GGT7: variants seen among roughly 807,000 people sequenced by gnomAD.
GGT7 encodes the protein gamma-glutamyltransferase 7, also known as glutathione hydrolase 7.
Under a neutral mutation model 69.2 loss-of-function variants are expected in GGT7, and 30 were observed. The observed-to-expected ratio is 0.43, with a 90% CI of 0.32 to 0.59. GGT7 has a LOEUF of 0.59. GGT7 is among the 20% of genes least tolerant of loss of function. The pLI is 0.05. For synonymous variants in GGT7, 388 were observed against 391.8 expected (o/e 0.99, Z 0.12); for missense variants, 733 against 901.1 (o/e 0.81, Z 2.39).
chr20:34,870,287 T>C (rs2079758257), intron 1 of GGT7, among the ~76,000 whole-genome samples: 2 of 152,190 alleles, frequency 1.3e-5, no homozygotes, highest in African/African-American at 4.8e-5. Flanking sequence ...CTCTGCTGGA[T>C]TTCCATACAG....
chr20:34,860,235 C>G lies in GGT7; in HGVS notation c.743+19G>C. 6.3e-7 allele frequency: 1 copy of G among 1,596,220 alleles called. No homozygotes were observed. Among genetic ancestry groups the G allele is most frequent in the Non-Finnish European group, 8.6e-7 (1 of 1,163,896 alleles). ...AGATGCAAACGGGGGTCCCTGGTCC[C>G]CAGGGGGAGGGTTGTTACCTGCCAT... On this transcript the variant is annotated intron_variant, in intron 5 of 14. Coordinates refer to ENST00000336431, the MANE Select transcript of GGT7 (RefSeq NM_178026.3).
chr20:34,850,858 G>T, intron 13 of GGT7: 1 of 561,054 alleles, frequency 1.8e-6, no homozygotes, highest in Non-Finnish European at 3.5e-6. Flanking sequence ...GTGTTCTGGA[G>T]AAAAGCAGGC....
chr20:34,856,570 G>C (rs2079494907), intron 8 of GGT7, among the ~76,000 whole-genome samples: 1 of 152,120 alleles, frequency 6.6e-6, no homozygotes, highest in Non-Finnish European at 1.5e-5. Context: ...TTCCAGGTTG[G>C]ACCCTTTGAC....
intron 13 of GGT7, 43 bp from the exon 14 acceptor site, chr20:34,850,103 G>T (rs377626254): frequency 7.5e-7 from 1 of 1,325,182 alleles, no homozygotes; most frequent in Non-Finnish European, 1.1e-6. Context: ...TGTCCCAGGG[G>T]TGATGGTCCA....
chr20:34,847,287 G>C (rs1275690009), intron 14 of GGT7, among the ~76,000 whole-genome samples: 1 of 152,088 alleles, frequency 6.6e-6, no homozygotes, highest in East Asian at 1.9e-4. Context: ...CCATATCCCA[G>C]CTGCTTCTCA....
chr20:34,860,104 G>A lies in GGT7; in HGVS notation c.744-62C>T. ...TGGGGGAATGAGGAGGGGTCCGGGG[G>A]GAGGGGGGTTCCTGGGAAGGAGAGT... On this transcript the variant is annotated intron_variant, in intron 5 of 14. Transcript: ENST00000336431. 5.6e-6 allele frequency: 5 copies of A among 887,482 alleles called. 1 individual carries two copies. Among genetic ancestry groups the A allele is most frequent in the Non-Finnish European group, 7.5e-6 (4 of 534,232 alleles). 55.0% of individuals were successfully genotyped at this position (887,482 alleles called of 1,614,324 possible). A position where few individuals can be genotyped will look rare whatever the true frequency, so the allele number is the denominator to read the frequency against.
chr20:34,852,304 G>A (rs773376870), intron 11 of GGT7, 32 bp from the exon 12 acceptor site: 27 of 1,602,268 alleles, frequency 1.7e-5, no homozygotes, highest in Middle Eastern at 1.6e-4. Context: ...GGTGAGCCCT[G>A]GCCCATCCTC....
Position 34,863,020 on chromosome 20 carries a change from G to A in GGT7, c.406-55C>T. ...CAGGAGGAGCTGTCCACCTCCCTAG[G>A]GCACCTCCACTAGCCCTAGAACTCT... is the stretch of plus-strand genomic sequence containing the variant. On this transcript the variant is annotated intron_variant, in intron 2 of 14. Transcript: ENST00000336431. This position sits in a 1 kb window ranked among gnomAD's most constrained non-coding sequence, Gnocchi z 4.4. The A allele has an allele frequency of 6.5e-7, 1 of 1,542,250 alleles. No homozygotes were observed. The highest frequency in any genetic ancestry group is 8.8e-7 in the Non-Finnish European group (1 of 1,133,388).
intron 8 of GGT7, among the ~76,000 whole-genome samples, chr20:34,856,054 A>G: frequency 6.6e-6 from 1 of 152,106 alleles, no homozygotes; most frequent in East Asian, 1.9e-4. Flanking sequence ...CAGCCTCCCA[A>G]TGTGCTGGGG....
chr20:34,863,207 C>A lies in GGT7; in HGVS notation c.405+106G>T. On this transcript the variant is annotated intron_variant, in intron 2 of 14. Transcript: ENST00000336431. The surrounding 1 kb of genome is among the most constrained non-coding windows in gnomAD (Gnocchi z 4.4). ...CCTTCCTCTCCCAAGTCACCACCCTCTCTCCCCTTCTACCACTCAGCCATT... is the reference window on the plus strand; with the variant it reads ...CCTTCCTCTCCCAAGTCACCACCCTATCTCCCCTTCTACCACTCAGCCATT... 1.1e-6 allele frequency: 1 copy of A among 915,970 alleles called. No homozygotes were observed. The highest frequency in any genetic ancestry group is 1.7e-6 in the Non-Finnish European group (1 of 591,068). 56.7% of individuals were successfully genotyped at this position (915,970 alleles called of 1,614,324 possible). A position where few individuals can be genotyped will look rare whatever the true frequency, so the allele number is the denominator to read the frequency against.
chr20:34,854,648 G>C (rs1369917761), intron 9 of GGT7, 29 bp from the exon 10 acceptor site: 1 of 1,584,226 alleles, frequency 6.3e-7, no homozygotes. Context: ...TATGGAAGAG[G>C]CTGCCAGGCC....
rs1308817811 is a variant in GGT7 at position 34,860,288 on chromosome 20, T to C, written c.709A>G (p.Lys237Glu). ...AGCTGGTGAGCTTCATGTAGCCCCT[T>C]CACCATTCCGGGAACCCCCACCAAG... ...GLLVGVPGMVKGLHEAHQLYG... is the reference protein window; with the variant it reads ...GLLVGVPGMVEGLHEAHQLYG... The change falls in exon 5 of 15, where the codon AAG becomes GAG. Residue 237 changes from lysine (K) to glutamate (E), a missense_variant. Lys to Glu is a moderately conservative substitution (Grantham distance 56). Coordinates refer to ENST00000336431, the MANE Select transcript of GGT7 (RefSeq NM_178026.3). 2 of 1,613,612 alleles carry C rather than the reference T, an allele frequency of 1.2e-6. No individual in the cohort carries two copies. Among genetic ancestry groups the C allele is most frequent in the Non-Finnish European group, 1.7e-6 (2 of 1,179,868 alleles).
Position 34,863,059 on chromosome 20 carries a change from G to T in GGT7, c.406-94C>A. On this transcript the variant is annotated intron_variant, in intron 2 of 14. Coordinates refer to ENST00000336431, the MANE Select transcript of GGT7 (RefSeq NM_178026.3). This position sits in a 1 kb window ranked among gnomAD's most constrained non-coding sequence, Gnocchi z 4.4. The stretch of plus-strand genomic sequence containing the variant: ...CCCTAGAACTCTACGCGGCATGAAG[G>T]TCGAAGCCCTGCCCCCTTGTTGCCT... 1 of 1,256,010 alleles carries T rather than the reference G, an allele frequency of 8.0e-7. No homozygotes were observed. The highest frequency in any genetic ancestry group is 1.1e-6 in the Non-Finnish European group (1 of 900,632). The allele number at this position is 1,256,010 out of a possible 1,614,324, so 77.8% of individuals were successfully genotyped here. A position where few individuals can be genotyped will look rare whatever the true frequency, so the allele number is the denominator to read the frequency against.
chr20:34,851,129 C>T (rs2146886900), intron 13 of GGT7, 102 bp downstream of exon 13: 11 of 1,432,906 alleles, frequency 7.7e-6, no homozygotes, highest in South Asian at 6.9e-5. Context: ...CCATGTTTGC[C>T]GCATGAGGAA....
chr20:34,862,583 T>TAA (rs113536080), intron 3 of GGT7, among the ~76,000 whole-genome samples: 14 of 126,862 alleles, frequency 1.1e-4, no homozygotes, highest in African/African-American at 2.8e-4. Flanking sequence ...TTTTTCTAGT[T>TAA]AAAAAAAAAA....
chr20:34,863,394 C>T lies in GGT7; in HGVS notation c.324G>A (p.Thr108=). The part of the protein sequence containing the change: ...AECSCRQDGL[T]VIVTACLTFA... ...AGGTGAGACAGGCCGTGACGATGAC[C>T]GTGAGCCCATCCTGGCGGCAGGAGC... Residue 108 remains threonine (T), a synonymous_variant, in exon 2 of 15, where the codon ACG becomes ACA. Transcript: ENST00000336431. This position sits in a 1 kb window ranked among gnomAD's most constrained non-coding sequence, Gnocchi z 4.4. 6.2e-7 allele frequency: 1 copy of T among 1,614,054 alleles called. No individual in the cohort carries two copies. The highest frequency in any genetic ancestry group is 1.1e-5 in the South Asian group (1 of 91,082).
intron 3 of GGT7, among the ~76,000 whole-genome samples, 186 bp from the exon 4 acceptor site, chr20:34,861,748 C>T (rs2079599943): frequency 6.6e-6 from 1 of 152,122 alleles, no homozygotes; most frequent in African/African-American, 2.4e-5. Flanking sequence ...GGGAGCAAAA[C>T]CAAGAGGGTT....
At chr20:34,850,242 G>A (rs1461197840) in intron 13 of GGT7, 182 bp from the exon 14 acceptor site, 1 of 762,800 alleles carries the variant, frequency 1.3e-6, no homozygotes, top group East Asian at 2.4e-5. Flanking sequence ...ATTTCACAGA[G>A]AGGGAAAGTG....
At chr20:34,865,807 T>A (rs1269199051) in intron 1 of GGT7, among the ~76,000 whole-genome samples, 1 of 152,224 alleles carries the variant, frequency 6.6e-6, no homozygotes, top group Admixed American at 6.5e-5. Context: ...CTGAGTGTTA[T>A]TAGCTGTGAA....
Sources: gnomAD v4.1 joint callset for allele counts (sites outside exome capture counted in the v4.1 genomes callset) on GRCh38, gnomAD v4.1.1 for gene constraint, Gnocchi (gnomAD v3.1) non-coding constraint, MANE v1.5 for transcripts, NCBI Gene and HGNC (gene_info 2026-07-23, HGNC 2026-07-21) for gene names.